SPAG16: variants seen among roughly 807,000 people sequenced by gnomAD.
SPAG16 encodes sperm associated antigen 16.
In SPAG16, 86 loss-of-function variants were observed where a neutral mutation model predicts 80.4. The observed-to-expected ratio is 1.07, with a 90% CI of 0.90 to 1.28. The LOEUF is 1.28. SPAG16 is among the 50% of genes most tolerant of loss of function. The pLI, the probability that SPAG16 is intolerant of heterozygous loss-of-function variation, is 0.00. For missense variants in SPAG16, 870 were observed against 765.3 expected (o/e 1.14, Z -1.61); for synonymous variants, 294 against 265.9 (o/e 1.11, Z -1.03).
At chr2:213,630,093 G>A (rs1253877197) in intron 10 of SPAG16, among the ~76,000 whole-genome samples, 1 of 152,120 alleles carries the variant, frequency 6.6e-6, no homozygotes, top group Admixed American at 6.6e-5. Context: ...GCAACTTAAA[G>A]ATGTTTCTGG....
chr2:213,723,418 G>A (rs144905709), intron 10 of SPAG16, among the ~76,000 whole-genome samples: 1 of 152,184 alleles, frequency 6.6e-6, no homozygotes, highest in Non-Finnish European at 1.5e-5. Flanking sequence ...TACGCCTTCT[G>A]TCTGTCTCAT....
chr2:213,559,135 T>C (rs6745832), intron 10 of SPAG16, among the ~76,000 whole-genome samples: 13,196 of 152,170 alleles, frequency 0.087, 1,438 homozygotes, highest in African/African-American at 0.25. Flanking sequence ...TTTATTCTTT[T>C]GACGCAATAA....
intron 10 of SPAG16, among the ~76,000 whole-genome samples, chr2:213,813,263 A>C (rs2072294098): frequency 6.6e-6 from 1 of 152,234 alleles, no homozygotes; most frequent in African/African-American, 2.4e-5. Context: ...AAAGAGATGG[A>C]AACCATTAAA....
chr2:213,665,160 T>C (rs1454701003), intron 10 of SPAG16, among the ~76,000 whole-genome samples: 2 of 152,144 alleles, frequency 1.3e-5, no homozygotes. Flanking sequence ...AGTGCTGATA[T>C]AGATTAATTC....
intron 15 of SPAG16, among the ~76,000 whole-genome samples, chr2:214,325,902 A>ACAAT (rs1212603243): frequency 6.6e-6 from 1 of 152,174 alleles, no homozygotes; most frequent in African/African-American, 2.4e-5. Flanking sequence ...AGGGTTAACC[A>ACAAT]CAATTAAACT....
At chr2:214,296,858 G>T (rs1173119287) in intron 15 of SPAG16, among the ~76,000 whole-genome samples, 1 of 152,148 alleles carries the variant, frequency 6.6e-6, no homozygotes, top group Non-Finnish European at 1.5e-5. Context: ...ACACCTCACA[G>T]TAATGAGTGA....
At chr2:213,882,473 C>T (rs542844755) in intron 11 of SPAG16, among the ~76,000 whole-genome samples, 73 of 152,064 alleles carry the variant, frequency 4.8e-4, no homozygotes, top group South Asian at 1.0e-3. Context: ...TTTCTGTATT[C>T]AATTTCAGAT....
chr2:213,678,891 G>A (rs2064236052), intron 10 of SPAG16, among the ~76,000 whole-genome samples: 2 of 152,108 alleles, frequency 1.3e-5, no homozygotes, highest in African/African-American at 4.8e-5. Flanking sequence ...ATCTCATCCT[G>A]GCAATGCTTG....
At chr2:213,821,437 G>A (rs2125694298) in intron 10 of SPAG16, among the ~76,000 whole-genome samples, 1 of 152,138 alleles carries the variant, frequency 6.6e-6, no homozygotes, top group South Asian at 2.1e-4. Flanking sequence ...TGTGTGTATA[G>A]TAGGTATACA....
chr2:214,007,079 C>T (rs752240319), intron 12 of SPAG16, among the ~76,000 whole-genome samples: 1 of 152,042 alleles, frequency 6.6e-6, no homozygotes, highest in Admixed American at 6.5e-5. Flanking sequence ...GATGTAAGGA[C>T]ACATATTACT....
At chr2:214,073,232 C>CTTTTTTT (rs67988930) in intron 13 of SPAG16, among the ~76,000 whole-genome samples, 2 of 141,072 alleles carry the variant, frequency 1.4e-5, no homozygotes. Flanking sequence ...GAAATTTTTT[C>CTTTTTTT]TTTTTTTTTT....
At chr2:213,553,699 G>T (rs576233010) in intron 10 of SPAG16, among the ~76,000 whole-genome samples, 2 of 152,092 alleles carry the variant, frequency 1.3e-5, no homozygotes, top group South Asian at 2.1e-4. Context: ...TACAATAGGC[G>T]TGATCATGTT....
chr2:214,112,232 T>C (rs1297601859), intron 14 of SPAG16, among the ~76,000 whole-genome samples: 1 of 152,156 alleles, frequency 6.6e-6, no homozygotes, highest in Non-Finnish European at 1.5e-5. Context: ...TACTTCCAAT[T>C]ATGTGGTCCA....
At chr2:214,185,967 T>C (rs2057455877) in intron 15 of SPAG16, among the ~76,000 whole-genome samples, 1 of 152,134 alleles carries the variant, frequency 6.6e-6, no homozygotes, top group African/African-American at 2.4e-5. Flanking sequence ...ATAATGTAAG[T>C]TCTGTTAGGG....
At chr2:213,463,043 G>T (rs1301558034) in intron 9 of SPAG16, among the ~76,000 whole-genome samples, 2 of 152,182 alleles carry the variant, frequency 1.3e-5, no homozygotes, top group South Asian at 4.1e-4. Flanking sequence ...ATGAAGTCCA[G>T]GCTGAGGTTG....
chr2:213,546,184 AT>A (rs2076606467), intron 10 of SPAG16, among the ~76,000 whole-genome samples: 1 of 152,046 alleles, frequency 6.6e-6, no homozygotes, highest in Admixed American at 6.6e-5. Context: ...AATTTACATG[AT>A]TTTTTTAAAT....
At chr2:213,541,469 A>T (rs2076445172) in intron 10 of SPAG16, among the ~76,000 whole-genome samples, 1 of 151,792 alleles carries the variant, frequency 6.6e-6, no homozygotes, top group Non-Finnish European at 1.5e-5. Flanking sequence ...AAATAACAAA[A>T]ATTAGCCTGG....
chr2:213,672,842 T>C (rs982020571), intron 10 of SPAG16, among the ~76,000 whole-genome samples: 1 of 150,674 alleles, frequency 6.6e-6, no homozygotes, highest in Non-Finnish European at 1.5e-5. Flanking sequence ...TTTTTGTTTG[T>C]TTGTTTTATT....
At chr2:213,478,692 A>C (rs1434470580) in intron 9 of SPAG16, among the ~76,000 whole-genome samples, 1 of 151,646 alleles carries the variant, frequency 6.6e-6, no homozygotes, top group African/African-American at 2.4e-5. Context: ...TTAATACATT[A>C]ATTCATTTTT....
Sources: allele counts gnomAD v4.1 joint callset (sites outside exome capture counted in the v4.1 genomes callset), GRCh38; gene constraint gnomAD v4.1.1; transcripts MANE v1.5; gene names NCBI Gene and HGNC (gene_info 2026-07-23, HGNC 2026-07-21).